Variants in PLXDC1 observed in about 807,000 individuals in gnomAD.
PLXDC1 encodes plexin domain-containing protein 1.
A neutral mutation model predicts 61.3 loss-of-function variants in PLXDC1; 39 were observed. The ratio of observed to expected loss-of-function variants is 0.64; its 90% CI spans 0.49 to 0.83. PLXDC1 has a LOEUF of 0.83. Among genes scored for constraint, PLXDC1 ranks in the 40% least tolerant of loss-of-function variants. The probability of loss-of-function intolerance (pLI) is 0.00; values close to 1 mark genes in which losing one functional copy is unlikely to be tolerated. For synonymous variants in PLXDC1, 212 were observed against 254.5 expected (o/e 0.83, Z 1.59); for missense variants, 596 against 666.5 (o/e 0.89, Z 1.17).
At chr17:39,128,095 GTGTATATATATATATATA>G (rs1373338869) in intron 2 of PLXDC1, among the ~76,000 whole-genome samples, 2 of 47,802 alleles carry the variant, frequency 4.2e-5, no homozygotes, top group Non-Finnish European at 8.5e-5. Flanking sequence ...CTCTCTCTAT[GTGTATATATATATATATA>G]TGTATATATA....
intron 2 of PLXDC1, among the ~76,000 whole-genome samples, chr17:39,123,253 G>T (rs906396279): frequency 1.3e-5 from 2 of 151,980 alleles, no homozygotes; most frequent in East Asian, 3.9e-4. Flanking sequence ...TGCAATAGCC[G>T]CATCTCAGCT....
upstream of PLXDC1, chr17:39,152,768 G>GT (rs2045382576): frequency 2.7e-6 from 2 of 728,324 alleles, no homozygotes; most frequent in South Asian, 7.1e-5. Flanking sequence ...TGGCACTGAG[G>GT]TTAAAAAAAA....
intron 7 of PLXDC1, among the ~76,000 whole-genome samples, chr17:39,102,750 C>T (rs1314022235): frequency 7.1e-6 from 1 of 141,284 alleles, no homozygotes; most frequent in Non-Finnish European, 1.5e-5. Context: ...ACTCACTCAC[C>T]TGAAGGCTTG....
intron 7 of PLXDC1, among the ~76,000 whole-genome samples, chr17:39,089,306 G>C (rs1002014703): frequency 2.0e-5 from 3 of 152,176 alleles, no homozygotes; most frequent in African/African-American, 7.2e-5. Flanking sequence ...GGACCAATCA[G>C]AGACCTCCCC....
At position 39,067,923 on chromosome 17, in the gene PLXDC1, T is replaced by C; in HGVS notation, c.1420A>G (p.Ser474Gly). 6.2e-7 allele frequency: 1 copy of C among 1,613,982 alleles called. No individual in the cohort carries two copies. The highest frequency in any genetic ancestry group is 8.5e-7 in the Non-Finnish European group (1 of 1,179,852). ...GCATAGGTGGAATGGTCAGGGTGGC[T>C]GCGAAACTTCATGGCTGGCCAGTGG... is the stretch of plus-strand genomic sequence containing the variant. The part of the protein sequence containing the change: ...PHHWPAMKFR[S>G]HPDHSTYAEV... The change falls in exon 14 of 14, where the codon AGC (serine) becomes GGC (glycine). Residue 474 changes from serine to glycine, a missense_variant. Physicochemically the swap from Ser to Gly is moderately conservative, Grantham distance 56. Coordinates refer to ENST00000315392, the MANE Select transcript of PLXDC1 (RefSeq NM_020405.5).
chr17:39,107,664 G>A (rs1308030760), intron 5 of PLXDC1, 139 bp from the exon 6 acceptor site: 1 of 718,246 alleles, frequency 1.4e-6, no homozygotes, highest in African/African-American at 1.7e-5. Flanking sequence ...TAAGGAGGCA[G>A]GAGCTGGGCA....
intron 7 of PLXDC1, among the ~76,000 whole-genome samples, chr17:39,088,943 G>GAAAAAAAAA (rs56714275): frequency 2.3e-4 from 15 of 63,902 alleles, no homozygotes; most frequent in Non-Finnish European, 3.4e-4. Flanking sequence ...GAGCAAGACT[G>GAAAAAAAAA]AAAAAAAAAA....
At chr17:39,150,962 A>T (rs1189240007) in intron 1 of PLXDC1, among the ~76,000 whole-genome samples, 1 of 152,116 alleles carries the variant, frequency 6.6e-6, no homozygotes, top group Admixed American at 6.5e-5. Context: ...GGCAGAGAAG[A>T]GGAAAAGAAG....
At chr17:39,071,801 C>T (rs149221524) in intron 12 of PLXDC1, among the ~76,000 whole-genome samples, 61 of 152,286 alleles carry the variant, frequency 4.0e-4, no homozygotes, top group African/African-American at 1.4e-3. Flanking sequence ...CTTTCCTCTC[C>T]TGCTGGAAGC....
At chr17:39,098,669 G>A (rs1026180022) in intron 7 of PLXDC1, among the ~76,000 whole-genome samples, 1 of 152,204 alleles carries the variant, frequency 6.6e-6, no homozygotes. Flanking sequence ...AGAGGAAGCC[G>A]TGAATTCCAC....
chr17:39,068,855 G>T (rs1227528731), intron 13 of PLXDC1, among the ~76,000 whole-genome samples: 1 of 152,136 alleles, frequency 6.6e-6, no homozygotes, highest in Non-Finnish European at 1.5e-5. Flanking sequence ...TGGTGGGCTT[G>T]TGACCCACGT....
rs199563342 is a variant in PLXDC1 at position 39,128,093 on chromosome 17, ATG to A, written c.255+11559_255+11560del. On this transcript the variant is annotated intron_variant, in intron 2 of 13. Transcript: ENST00000315392. ...TCTCTCTCTCTCTCTCTCTCTCTCTATGTGTATATATATATATATATGTATAT... is the reference window on the plus strand; with the variant it reads ...TCTCTCTCTCTCTCTCTCTCTCTCTATGTATATATATATATATATGTATAT... 5.0e-3 allele frequency among the ~76,000 whole-genome samples: 288 copies of A among 58,082 alleles called. 1 individual carries two copies. Among genetic ancestry groups the A allele is most frequent in the Middle Eastern group, 0.013 (1 of 78 alleles). The allele number at this position is 58,082 out of a possible 152,430, so 38.1% of individuals were successfully genotyped here.
intron 2 of PLXDC1, among the ~76,000 whole-genome samples, chr17:39,125,658 G>T (rs916039589): frequency 6.6e-5 from 10 of 152,114 alleles, no homozygotes; most frequent in African/African-American, 2.4e-5. Flanking sequence ...TAATTTCACA[G>T]TCACAGTTCT....
Position 39,063,664 on chromosome 17 carries a change from G to A in PLXDC1, c.*4176C>T, listed in dbSNP as rs537446144. The A allele has an allele frequency of 5.8e-5, 35 of 599,392 alleles. 1 individual carries two copies. In the South Asian group the frequency reaches 7.1e-4, roughly 12 times the overall value. 37.1% of individuals were successfully genotyped at this position (599,392 alleles called of 1,614,324 possible). A position where few individuals can be genotyped will look rare whatever the true frequency, so the allele number is the denominator to read the frequency against. On this transcript the variant is annotated 3_prime_UTR_variant, in exon 14 of 14. Transcript: ENST00000315392. ...TTAACACTGAGAATCCATGCAGAGAGTTTACACTAAACACATGAATACATT... is the reference window on the plus strand; with the variant it reads ...TTAACACTGAGAATCCATGCAGAGAATTTACACTAAACACATGAATACATT...
intron 7 of PLXDC1, among the ~76,000 whole-genome samples, chr17:39,098,046 A>T (rs1910281736): frequency 6.6e-6 from 1 of 151,966 alleles, no homozygotes; most frequent in African/African-American, 2.4e-5. Flanking sequence ...TCTGCTAAAA[A>T]ATACAAAAAT....
At chr17:39,122,707 C>A (rs551781693) in intron 2 of PLXDC1, among the ~76,000 whole-genome samples, 2 of 152,188 alleles carry the variant, frequency 1.3e-5, no homozygotes, top group Non-Finnish European at 2.9e-5. Context: ...TACAAAGGAG[C>A]TCAGTGAGGG....
intron 9 of PLXDC1, among the ~76,000 whole-genome samples, chr17:39,082,099 C>T (rs1295355664): frequency 2.0e-5 from 3 of 152,202 alleles, no homozygotes; most frequent in African/African-American, 7.2e-5. Flanking sequence ...ACCTGGGAGA[C>T]CTGATGGGCA....
intron 7 of PLXDC1, among the ~76,000 whole-genome samples, chr17:39,093,985 T>G (rs1336152911): frequency 1.3e-5 from 2 of 152,122 alleles, no homozygotes; most frequent in Non-Finnish European, 2.9e-5. Context: ...CACCTGCACA[T>G]GAGCACATAC....
chr17:39,101,088 A>G (rs1910403954), intron 7 of PLXDC1, among the ~76,000 whole-genome samples: 1 of 152,208 alleles, frequency 6.6e-6, no homozygotes, highest in Non-Finnish European at 1.5e-5. Context: ...CACACATTGG[A>G]GCTGAAGGAA....
Sources: gnomAD v4.1 joint callset for allele counts (sites outside exome capture counted in the v4.1 genomes callset) on GRCh38, gnomAD v4.1.1 for gene constraint, MANE v1.5 for transcripts, NCBI Gene and HGNC (gene_info 2026-07-23, HGNC 2026-07-21) for gene names.